The following DOCK1 variants were observed in gnomAD, a reference collection of about 807,000 sequenced individuals.
The protein encoded by DOCK1 is dedicator of cytokinesis 1.
Under a neutral mutation model 262.7 loss-of-function variants are expected in DOCK1, and 138 were observed. The ratio of observed to expected loss-of-function variants is 0.53; its 90% confidence interval spans 0.46 to 0.61. DOCK1 has a LOEUF of 0.61. Among genes scored for constraint, DOCK1 ranks in the 20% least tolerant of loss-of-function variants. The pLI is 0.00. For synonymous variants in DOCK1, 866 were observed against 867.4 expected (o/e 1.00, Z 0.03); for missense variants, 1,908 against 2,370.7 (o/e 0.80, Z 4.05).
intron 37 of DOCK1, among the ~76,000 whole-genome samples, chr10:127,383,177 A>G (rs1258406516): frequency 1.3e-5 from 2 of 152,224 alleles, no homozygotes; most frequent in Admixed American, 6.5e-5. Context: ...GGTTAGGCAT[A>G]TCTTTCGTCA....
At chr10:126,971,089 C>T (rs926696963) in intron 2 of DOCK1, among the ~76,000 whole-genome samples, 6 of 150,442 alleles carry the variant, frequency 4.0e-5, no homozygotes, top group South Asian at 2.1e-4. Context: ...CTTGCTCTGT[C>T]GCACAGGCTG....
intron 29 of DOCK1, among the ~76,000 whole-genome samples, chr10:127,302,079 G>C (rs2061700535): frequency 6.6e-6 from 1 of 151,946 alleles, no homozygotes; most frequent in African/African-American, 2.4e-5. Context: ...CAGGATCTAG[G>C]GTCCTCTCTG....
At chr10:127,275,972 C>G (rs551362177) in intron 29 of DOCK1, among the ~76,000 whole-genome samples, 2 of 152,242 alleles carry the variant, frequency 1.3e-5, no homozygotes, top group African/African-American at 4.8e-5. Context: ...GAGATCCCTG[C>G]GGCTCATGCT....
chr10:126,962,073 C>T (rs1411050122), intron 1 of DOCK1, among the ~76,000 whole-genome samples: 5 of 152,158 alleles, frequency 3.3e-5, no homozygotes, highest in African/African-American at 7.2e-5. Flanking sequence ...TCTCGGCTCA[C>T]TGCAACCTCC....
At chr10:127,237,410 C>G (rs1056546349) in intron 27 of DOCK1, among the ~76,000 whole-genome samples, 15 of 150,554 alleles carry the variant, frequency 1.0e-4, no homozygotes, top group African/African-American at 3.7e-4. Context: ...ATGAAAAGAG[C>G]GAGGGTGATG....
intron 1 of DOCK1, among the ~76,000 whole-genome samples, chr10:126,943,768 G>C (rs984052654): frequency 6.6e-6 from 1 of 152,058 alleles, no homozygotes; most frequent in Non-Finnish European, 1.5e-5. Context: ...GAAGAGATTA[G>C]ATATGAGTTA....
In DOCK1 at chr10:127,446,886, G is replaced by A. The variant is rs1042110484; in HGVS notation, c.5414-508G>A. ...TATGGCTAATGACTTCATGTCATAC[G>A]ACTGTGGATTTTCCTGTGGAAAGAG... On this transcript the variant is annotated intron_variant, in intron 50 of 51. Transcript: ENST00000623213. The surrounding 1 kb of genome is among the most constrained non-coding windows in gnomAD (Gnocchi z 4.4). Among the ~76,000 whole-genome samples, 2 of 152,102 alleles carry A rather than the reference G, an allele frequency of 1.3e-5. No homozygotes were observed. Among genetic ancestry groups the A allele is most frequent in the African/African-American group, 4.8e-5 (2 of 41,398 alleles).
intron 27 of DOCK1, among the ~76,000 whole-genome samples, chr10:127,212,718 A>G (rs1023349639): frequency 6.8e-6 from 1 of 146,074 alleles, no homozygotes; most frequent in African/African-American, 2.6e-5. Flanking sequence ...CCTGACCATG[A>G]TGGCAGCTTC....
intron 6 of DOCK1, 43 bp downstream of exon 6, chr10:126,990,646 T>G: frequency 6.3e-7 from 1 of 1,599,932 alleles, no homozygotes; most frequent in Non-Finnish European, 8.5e-7. Context: ...AATTATCCAA[T>G]GTAATAACAT....
At chr10:127,372,196 T>C (rs2065243091) in intron 33 of DOCK1, among the ~76,000 whole-genome samples, 1 of 152,214 alleles carries the variant, frequency 6.6e-6, no homozygotes, top group Non-Finnish European at 1.5e-5. Flanking sequence ...GTTTCATCTG[T>C]AGCTGTGGCT....
At chr10:126,931,881 T>G (rs995436137) in intron 1 of DOCK1, among the ~76,000 whole-genome samples, 1 of 152,154 alleles carries the variant, frequency 6.6e-6, no homozygotes, top group Non-Finnish European at 1.5e-5. Context: ...CCTGGCATTA[T>G]TATTAGCCCA....
At chr10:127,298,395 C>G (rs2061572165) in intron 29 of DOCK1, among the ~76,000 whole-genome samples, 1 of 152,160 alleles carries the variant, frequency 6.6e-6, no homozygotes, top group Non-Finnish European at 1.5e-5. Flanking sequence ...AGTAAATCAT[C>G]CATTAACTGA....
intron 29 of DOCK1, among the ~76,000 whole-genome samples, chr10:127,337,132 C>T (rs185203705): frequency 5.5e-4 from 83 of 152,166 alleles, no homozygotes; most frequent in Non-Finnish European, 9.6e-4. Context: ...TCAGAAGCCC[C>T]GTGTCCTTAT....
chr10:126,994,779 T>G (rs2040048085), intron 6 of DOCK1, among the ~76,000 whole-genome samples: 1 of 152,238 alleles, frequency 6.6e-6, no homozygotes, highest in Non-Finnish European at 1.5e-5. Context: ...TTCCCCCTTT[T>G]CTATTCGACA....
intron 29 of DOCK1, among the ~76,000 whole-genome samples, chr10:127,324,134 C>T (rs537784844): frequency 2.0e-5 from 3 of 152,282 alleles, no homozygotes; most frequent in East Asian, 3.9e-4. Flanking sequence ...TAGATGCTGG[C>T]GCAGGAGCCC....
chr10:127,085,488 G>A (rs569621668), intron 23 of DOCK1, among the ~76,000 whole-genome samples: 5 of 152,192 alleles, frequency 3.3e-5, no homozygotes, highest in African/African-American at 1.2e-4. Flanking sequence ...GGCCGGGCGC[G>A]GTGGCTCATG....
In DOCK1 at chr10:127,032,334, G is replaced by A. The variant is rs772541603; in HGVS notation, c.1912+14G>A. On this transcript the variant is annotated intron_variant, in intron 18 of 51. Transcript: ENST00000623213. ...TGACTCAGAACGGTGCGTTCGAGAG[G>A]AGAAACACACTCACCCCAGGAGCTC... 2 of 1,502,360 alleles carry A rather than the reference G, an allele frequency of 1.3e-6. No homozygotes were observed. Among genetic ancestry groups the A allele is most frequent in the East Asian group, 4.8e-5 (2 of 41,738 alleles). The allele number at this position is 1,502,360 out of a possible 1,614,324, so 93.1% of individuals were successfully genotyped here.
chr10:126,942,563 G>A (rs2035098405), intron 1 of DOCK1, among the ~76,000 whole-genome samples: 1 of 152,156 alleles, frequency 6.6e-6, no homozygotes, highest in Admixed American at 6.5e-5. Flanking sequence ...CCTTCCTTCT[G>A]ATTTGCAGGA....
At chr10:127,347,849 C>A (rs796835985) in intron 31 of DOCK1, among the ~76,000 whole-genome samples, 6 of 58,744 alleles carry the variant, frequency 1.0e-4, no homozygotes, top group African/African-American at 4.9e-4. Flanking sequence ...CTTCCCTTCC[C>A]TTCCCTTCCC....
Sources: gnomAD v4.1 joint callset for allele counts (sites outside exome capture counted in the v4.1 genomes callset) on GRCh38, gnomAD v4.1.1 for gene constraint, Gnocchi (gnomAD v3.1) non-coding constraint, MANE v1.5 for transcripts, NCBI Gene and HGNC (gene_info 2026-07-23, HGNC 2026-07-21) for gene names.